Variants in SHROOM4 observed in about 807,000 individuals in gnomAD.
The protein encoded by SHROOM4 is shroom family member 4.
In SHROOM4, 17 loss-of-function variants were observed where a neutral mutation model predicts 80.3. That is an observed-to-expected ratio of 0.21 (90% CI 0.14 to 0.32). The LOEUF (loss-of-function observed/expected upper bound fraction) is 0.32. Ranked by LOEUF, SHROOM4 falls within the 10% of genes least tolerant of loss-of-function variation. The pLI is 1.00. For missense variants in SHROOM4, 993 were observed against 1,140.3 expected, an observed-to-expected ratio of 0.87 and a Z score of 1.86; for synonymous variants, 400 against 437.5, an observed-to-expected ratio of 0.91 and a Z score of 1.07.
chrX:50,721,012 T>C (rs146839593), intron 1 of SHROOM4, among the ~76,000 whole-genome samples: 4 of 111,619 alleles, frequency 3.6e-5, no homozygotes, highest in Non-Finnish European at 7.5e-5. Context: ...GGAGATGAGA[T>C]AGACTGGAAG....
intron 1 of SHROOM4, among the ~76,000 whole-genome samples, chrX:50,742,073 T>C (rs1027091314): frequency 1.6e-4 from 18 of 111,259 alleles, no homozygotes; most frequent in Non-Finnish European, 5.7e-5. Context: ...ACAATCTTAT[T>C]TGCCACTTCT....
intron 1 of SHROOM4, among the ~76,000 whole-genome samples, chrX:50,713,866 G>A (rs1177354348): frequency 9.0e-6 from 1 of 111,720 alleles, no homozygotes; most frequent in Non-Finnish European, 1.9e-5. Context: ...GTACTTTTGA[G>A]GTCTCAGCCA....
chrX:50,655,156 T>G (rs1932256211), intron 2 of SHROOM4, among the ~76,000 whole-genome samples: 1 of 110,048 alleles, frequency 9.1e-6, no homozygotes. Context: ...TTCCATAGTG[T>G]ATATATACCA....
chrX:50,646,457 T>C (rs1322784480), intron 2 of SHROOM4, among the ~76,000 whole-genome samples: 1 of 109,513 alleles, frequency 9.1e-6, no homozygotes, highest in Non-Finnish European at 1.9e-5. Context: ...CCACCCACTG[T>C]TGGCTGGGGT....
chrX:50,757,049 A>G (rs1050723066), intron 1 of SHROOM4, among the ~76,000 whole-genome samples: 3 of 111,711 alleles, frequency 2.7e-5, no homozygotes, highest in Non-Finnish European at 5.6e-5. Flanking sequence ...GTTGTATCTT[A>G]GAAATCTTTG....
At chrX:50,580,215 T>G in the SHROOM4 span, among the ~76,000 whole-genome samples, 1 of 112,217 alleles carries the variant, frequency 8.9e-6, no homozygotes, top group African/African-American at 3.2e-5. Context: ...GGTCACCGAC[T>G]TGAGTGTACA....
In SHROOM4 at chrX:50,587,006, CAT is replaced by C. The variant is rs1258585964; in HGVS notation, c.*9687_*9688del. ...TATTAACTATAGAACTTATGCTGTA[CAT>C]GAGATCTCTAGATTTATACATCTTA... On this transcript the variant is annotated 3_prime_UTR_variant, in exon 9 of 9. Coordinates refer to ENST00000376020, the MANE Select transcript of SHROOM4 (RefSeq NM_020717.5). Among the ~76,000 whole-genome samples, 2 of 111,896 alleles carry C rather than the reference CAT, an allele frequency of 1.8e-5. No homozygotes were observed. Among genetic ancestry groups the C allele is most frequent in the African/African-American group, 6.5e-5 (2 of 30,765 alleles).
rs1557246813 is a variant in SHROOM4 at position 50,596,959 on chromosome X, T to C, written c.4218A>G (p.Val1406=). The change falls in exon 9 of 9, where the codon GTA becomes GTG. Residue 1406 remains valine (V), a synonymous_variant. Coordinates refer to ENST00000376020, the MANE Select transcript of SHROOM4 (RefSeq NM_020717.5). ...IDSEANQEKL[V]LIEKKQQLTG... ...TCAGCTGCTGCTTCTTCTCTATCAG[T>C]ACCAACTGGGGAAGCAGAGGACCAA... The C allele has an allele frequency of 2.5e-6, 3 of 1,208,103 alleles. No individual in the cohort carries two copies. Among genetic ancestry groups the C allele is most frequent in the South Asian group, 1.8e-5 (1 of 56,193 alleles).
At chrX:50,611,002 A>T (rs1460837286) in intron 5 of SHROOM4, among the ~76,000 whole-genome samples, 1 of 111,661 alleles carries the variant, frequency 9.0e-6, no homozygotes, top group Non-Finnish European at 1.9e-5. Flanking sequence ...ATACTGAAAC[A>T]GACTGTATTT....
chrX:50,646,851 G>A (rs532210537), intron 2 of SHROOM4, among the ~76,000 whole-genome samples: 3 of 110,451 alleles, frequency 2.7e-5, no homozygotes, highest in Middle Eastern at 4.6e-3. Context: ...GGGAATGTTC[G>A]AGTGGAAATA....
intron 4 of SHROOM4, among the ~76,000 whole-genome samples, chrX:50,632,084 T>A (rs1249515755): frequency 8.9e-6 from 1 of 111,783 alleles, no homozygotes; most frequent in Non-Finnish European, 1.9e-5. Flanking sequence ...TAACTCAAAC[T>A]CTTACCAAGA....
intron 1 of SHROOM4, among the ~76,000 whole-genome samples, chrX:50,743,609 C>T (rs1028377488): frequency 4.6e-5 from 5 of 109,855 alleles, no homozygotes; most frequent in Non-Finnish European, 7.6e-5. Flanking sequence ...AGGCACGTGC[C>T]ACTACACCCC....
At position 50,723,309 on chromosome X, in the gene SHROOM4, T is replaced by TG. The variant is rs1383636716; in HGVS notation, c.118-27373dup. On this transcript the variant is annotated intron_variant, in intron 1 of 8. Coordinates refer to ENST00000376020, the MANE Select transcript of SHROOM4 (RefSeq NM_020717.5). ...TCTGGGCTCTATTTCAGAAATGTGG[T>TG]GGGGGGAGGGGGGGAGGGAGGGGGA... Among the ~76,000 whole-genome samples, 173 of 48,039 alleles carry TG rather than the reference T, an allele frequency of 3.6e-3. 1 individual carries two copies. Among genetic ancestry groups the TG allele is most frequent in the Admixed American group, 4.8e-3 (18 of 3,750 alleles). 41.7% of individuals were successfully genotyped at this position (48,039 alleles called of 115,157 possible).
At chrX:50,670,639 T>A (rs1932787512) in intron 2 of SHROOM4, among the ~76,000 whole-genome samples, 1 of 111,947 alleles carries the variant, frequency 8.9e-6, no homozygotes, top group Non-Finnish European at 1.9e-5. Context: ...ATCAGATCAC[T>A]GGGTCAAATG....
chrX:50,813,849 C>T (rs1303820970), intron 1 of SHROOM4, 53 bp downstream of exon 1: 2 of 985,692 alleles, frequency 2.0e-6, no homozygotes, highest in Non-Finnish European at 2.9e-6. Flanking sequence ...CCTTCGCACC[C>T]GCTTGTCCAT....
intron 1 of SHROOM4, among the ~76,000 whole-genome samples, chrX:50,706,366 G>A (rs1933677881): frequency 8.9e-6 from 1 of 112,122 alleles, no homozygotes; most frequent in African/African-American, 3.2e-5. Context: ...TATAGTGTGG[G>A]AGATAGTCAA....
At chrX:50,798,864 A>T (rs1435475922) in intron 1 of SHROOM4, among the ~76,000 whole-genome samples, 1 of 111,228 alleles carries the variant, frequency 9.0e-6, no homozygotes, top group Non-Finnish European at 1.9e-5. Context: ...CATTCCCTTG[A>T]CCCTCCGAAC....
Position 50,610,352 on chromosome X carries a change from T to TCTCACACACACACACACACACACA in SHROOM4, c.2958-2169_2958-2168insTGTGTGTGTGTGTGTGTGTGTGAG, listed in dbSNP as rs782591424. On this transcript the variant is annotated intron_variant, in intron 5 of 8. Coordinates refer to ENST00000376020, the MANE Select transcript of SHROOM4 (RefSeq NM_020717.5). ...GGCATATTCTCTCTCTCTCTCTCTCTCACACACACACACACACACACACAC... is the reference window on the plus strand; with the variant it reads ...GGCATATTCTCTCTCTCTCTCTCTCTCTCACACACACACACACACACACACACACACACACACACACACACACAC... 7.6e-5 allele frequency among the ~76,000 whole-genome samples: 7 copies of TCTCACACACACACACACACACACA among 91,716 alleles called. 1 individual carries two copies. Among genetic ancestry groups the TCTCACACACACACACACACACACA allele is most frequent in the Non-Finnish European group, 1.5e-4 (7 of 47,734 alleles). 79.6% of individuals were successfully genotyped at this position (91,716 alleles called of 115,157 possible). A position where few individuals can be genotyped will look rare whatever the true frequency, so the allele number is the denominator to read the frequency against.
chrX:50,651,944 G>C (rs934009085), intron 2 of SHROOM4, among the ~76,000 whole-genome samples: 74 of 111,547 alleles, frequency 6.6e-4, no homozygotes, highest in African/African-American at 2.4e-3. Flanking sequence ...AGTATTCCAT[G>C]GTGTATATGT....
Sources: gnomAD v4.1 joint callset for allele counts (sites outside exome capture counted in the v4.1 genomes callset) on GRCh38, gnomAD v4.1.1 for gene constraint, MANE v1.5 for transcripts, NCBI Gene and HGNC (gene_info 2026-07-23, HGNC 2026-07-21) for gene names.